LAMA1: variants seen among roughly 807,000 people sequenced by gnomAD.
The protein encoded by LAMA1 is laminin subunit alpha 1.
In LAMA1, 219 loss-of-function variants were observed where a neutral mutation model predicts 348.7. That is an observed-to-expected ratio of 0.63 (90% CI 0.56 to 0.70). LAMA1 has a LOEUF of 0.70. LAMA1 is among the 30% of genes least tolerant of loss of function. The pLI, the probability that LAMA1 is intolerant of heterozygous loss-of-function variation, is 0.00. For synonymous variants in LAMA1, 1,487 were observed against 1,491.0 expected (o/e 1.00, Z 0.06); for missense variants, 3,744 against 3,888.0 (o/e 0.96, Z 0.99).
At chr18:7,001,635 CT>C (rs1408112306) in intron 30 of LAMA1, among the ~76,000 whole-genome samples, 1 of 152,110 alleles carries the variant, frequency 6.6e-6, no homozygotes, top group Non-Finnish European at 1.5e-5. Flanking sequence ...AACATTTGAT[CT>C]TTGTATGTTC....
rs776867907 is a variant in LAMA1 at position 7,033,015 on chromosome 18, C to T, written c.2132G>A (p.Cys711Tyr). 1 of 1,611,844 alleles carries T rather than the reference C, an allele frequency of 6.2e-7. No homozygotes were observed. The highest frequency in any genetic ancestry group is 2.2e-5 in the East Asian group (1 of 44,794). The change falls in exon 15 of 63, where the codon TGT becomes TAT. Residue 711 changes from cysteine (C) to tyrosine (Y), a missense_variant. Physicochemically the swap from Cys to Tyr is radical, Grantham distance 194. Transcript: ENST00000389658. Reference sequence around the variant, plus strand: ...GGAGGTCCCTGTGTAGCCTTGCGGACATTCACAGTGCTCCACATCAGCGGC... The same window carrying T: ...GGAGGTCCCTGTGTAGCCTTGCGGATATTCACAGTGCTCCACATCAGCGGC... ...VVAADVEHCE[C>Y]PQGYTGTSCE...
intron 1 of LAMA1, among the ~76,000 whole-genome samples, chr18:7,102,404 C>T (rs572147001): frequency 6.6e-6 from 1 of 151,052 alleles, no homozygotes; most frequent in Non-Finnish European, 1.5e-5. Flanking sequence ...TAAAGCCATG[C>T]AGGTAGAGTT....
intron 19 of LAMA1, among the ~76,000 whole-genome samples, chr18:7,020,561 C>T (rs779885629): frequency 1.3e-5 from 2 of 152,052 alleles, no homozygotes; most frequent in African/African-American, 2.4e-5. Flanking sequence ...CTCATCGAAG[C>T]GAGGGGATGC....
chr18:7,099,650 G>A (rs907312264), intron 1 of LAMA1, among the ~76,000 whole-genome samples: 6 of 151,326 alleles, frequency 4.0e-5, no homozygotes, highest in Admixed American at 6.6e-5. Context: ...GACACCAAAA[G>A]AATAACCCAC....
At chr18:6,998,505 C>T (rs1331794297) in intron 32 of LAMA1, among the ~76,000 whole-genome samples, 1 of 152,146 alleles carries the variant, frequency 6.6e-6, no homozygotes, top group Admixed American at 6.5e-5. Flanking sequence ...TCTGTCACCT[C>T]CTCAGGCAGT....
chr18:6,999,731 G>T, intron 31 of LAMA1, 93 bp from the exon 32 acceptor site: 1 of 1,265,122 alleles, frequency 7.9e-7, no homozygotes, highest in Non-Finnish European at 1.1e-6. Flanking sequence ...GAAATGCAAA[G>T]CACAGATCCA....
intron 58 of LAMA1, among the ~76,000 whole-genome samples, chr18:6,949,695 C>T (rs555966299): frequency 1.4e-4 from 21 of 152,252 alleles, no homozygotes; most frequent in African/African-American, 4.3e-4. Context: ...GATAACAGTC[C>T]CTTCCCGAAA....
chr18:7,073,147 A>T (rs762126571), intron 3 of LAMA1, among the ~76,000 whole-genome samples: 1 of 152,016 alleles, frequency 6.6e-6, no homozygotes, highest in African/African-American at 2.4e-5. Context: ...AATTCCTCAC[A>T]CTAAATTTGT....
In LAMA1 at chr18:7,007,194, G is replaced by C. The variant is rs1385354967; in HGVS notation, c.4205C>G (p.Pro1402Arg). Residue 1402 changes from proline to arginine, a missense_variant, in exon 29 of 63, where the codon CCC becomes CGC. This residue lies in a region of LAMA1 where 1,983 missense variants were observed against 1,934.3 expected (regional missense o/e 1.03). Transcript: ENST00000389658. The stretch of plus-strand genomic sequence containing the variant: ...GTCACTGTGGTTGTTGCAACTGCAG[G>C]GAACACAAGGAGCAACCAGAGGGCG... ...GPRPLVAPCV[P>R]CSCNNHSDTC... The C allele has an allele frequency of 1.2e-6, 2 of 1,614,026 alleles. No individual in the cohort carries two copies. The highest frequency in any genetic ancestry group is 1.7e-6 in the Non-Finnish European group (2 of 1,180,044).
At chr18:6,987,734 T>C (rs1368474504) in intron 36 of LAMA1, among the ~76,000 whole-genome samples, 3 of 152,178 alleles carry the variant, frequency 2.0e-5, no homozygotes, top group Non-Finnish European at 4.4e-5. Flanking sequence ...AAAACATTTT[T>C]CAAGGTTATA....
intron 1 of LAMA1, among the ~76,000 whole-genome samples, chr18:7,096,079 A>G (rs772999611): frequency 1.4e-4 from 22 of 152,338 alleles, no homozygotes; most frequent in Non-Finnish European, 2.6e-4. Flanking sequence ...AAAAAAAAGA[A>G]AATACTTCAG....
intron 48 of LAMA1, among the ~76,000 whole-genome samples, chr18:6,967,231 C>G (rs925405799): frequency 3.3e-5 from 5 of 152,218 alleles, no homozygotes; most frequent in Non-Finnish European, 5.9e-5. Flanking sequence ...TACCTGCACT[C>G]TTGCTTTTTC....
intron 1 of LAMA1, among the ~76,000 whole-genome samples, chr18:7,109,865 G>A (rs564768539): frequency 1.8e-3 from 269 of 152,214 alleles, no homozygotes; most frequent in African/African-American, 5.9e-3. Flanking sequence ...GAAAGGACAC[G>A]AGCTAGCATC....
At chr18:6,965,913 TTTCTA>T (rs2057630943) in intron 49 of LAMA1, 1 of 538,472 alleles carries the variant, frequency 1.9e-6, no homozygotes, top group Admixed American at 3.4e-5. Flanking sequence ...AGAAGGCTAG[TTTCTA>T]CTTGGTGTTC....
chr18:7,090,524 A>C (rs1278015679), intron 1 of LAMA1, among the ~76,000 whole-genome samples: 1 of 152,188 alleles, frequency 6.6e-6, no homozygotes, highest in East Asian at 1.9e-4. Context: ...TTTTTGGACT[A>C]AACCAAAGTA....
rs760776229 is a variant in LAMA1 at position 7,037,615 on chromosome 18, T to A, written c.1700A>T (p.Tyr567Phe). ...GTAGGCCTCGGGGGCTGCCCAGTAG[T>A]ACTTGGGAGCCAGTCTCTGCATGAC... ...TAVMQRLAPK[Y>F]YWAAPEAYLG... The change falls in exon 12 of 63, where the codon TAC becomes TTC. Residue 567 changes from tyrosine (Y) to phenylalanine (F), a missense_variant. This residue lies in a region of LAMA1 where 1,529 missense variants were observed against 1,689.4 expected (regional missense o/e 0.91). Transcript: ENST00000389658. The A allele has an allele frequency of 6.2e-7, 1 of 1,614,128 alleles. No homozygotes were observed. Among genetic ancestry groups the A allele is most frequent in the South Asian group, 1.1e-5 (1 of 91,070 alleles).
At chr18:7,076,420 C>A (rs78651487) in intron 3 of LAMA1, among the ~76,000 whole-genome samples, 1 of 152,138 alleles carries the variant, frequency 6.6e-6, no homozygotes, top group Non-Finnish European at 1.5e-5. Flanking sequence ...TAACTGGAAT[C>A]TAATCAGGTC....
chr18:6,996,851 T>G (rs143108298), intron 33 of LAMA1, among the ~76,000 whole-genome samples: 1 of 152,026 alleles, frequency 6.6e-6, no homozygotes, highest in African/African-American at 2.4e-5. Flanking sequence ...GTCTACTAAG[T>G]TAATTTCTTA....
Position 6,971,843 on chromosome 18 carries a change from TGAC to T in LAMA1, c.6899+11_6899+13del. The T allele has an allele frequency of 6.2e-7, 1 of 1,614,110 alleles. No homozygotes were observed. ...GAATAACATACTATGTGCTAAACCGTGACGACATCTTACCTTCCGAAGCACCCA... is the reference window on the plus strand; with the variant it reads ...GAATAACATACTATGTGCTAAACCGTGACATCTTACCTTCCGAAGCACCCA... On this transcript the variant is annotated intron_variant, in intron 48 of 62. Coordinates refer to ENST00000389658, the MANE Select transcript of LAMA1 (RefSeq NM_005559.4).
Sources: allele counts gnomAD v4.1 joint callset (sites outside exome capture counted in the v4.1 genomes callset), GRCh38; gene constraint gnomAD v4.1.1; regional missense constraint gnomAD v4.1.1; transcripts MANE v1.5; gene names NCBI Gene and HGNC (gene_info 2026-07-23, HGNC 2026-07-21).